The following EDIL3 variants were observed in gnomAD, a reference collection of about 807,000 sequenced individuals.
EDIL3 encodes the protein EGF-like repeat and discoidin I-like domain-containing protein 3.
Under a neutral mutation model 67.4 loss-of-function variants are expected in EDIL3, and 37 were observed. The observed-to-expected ratio is 0.55, with a 90% CI of 0.42 to 0.72. EDIL3 has a LOEUF of 0.72. Among genes scored for constraint, EDIL3 ranks in the 30% least tolerant of loss-of-function variants. EDIL3 has a pLI of 0.00. For synonymous variants in EDIL3, 195 were observed against 196.3 expected (o/e 0.99, Z 0.05); for missense variants, 527 against 586.3 (o/e 0.90, Z 1.04).
At chr5:84,248,535 G>T (rs1357192727) in intron 2 of EDIL3, among the ~76,000 whole-genome samples, 2 of 152,120 alleles carry the variant, frequency 1.3e-5, no homozygotes, top group Non-Finnish European at 2.9e-5. Flanking sequence ...TTTCTAGACA[G>T]ACTCATCCAT....
intron 1 of EDIL3, among the ~76,000 whole-genome samples, chr5:84,294,777 C>T (rs143247284): frequency 2.0e-5 from 3 of 152,266 alleles, no homozygotes; most frequent in African/African-American, 7.2e-5. Context: ...TGTGGTAACA[C>T]ATTATGTGCA....
chr5:84,299,101 T>C (rs960402279), intron 1 of EDIL3, among the ~76,000 whole-genome samples: 12 of 152,180 alleles, frequency 7.9e-5, no homozygotes, highest in Admixed American at 5.2e-4. Flanking sequence ...GAATATTCTG[T>C]AAGTAGGTTG....
At chr5:84,168,773 G>T (rs1289195867) in intron 4 of EDIL3, among the ~76,000 whole-genome samples, 4 of 152,232 alleles carry the variant, frequency 2.6e-5, no homozygotes, top group African/African-American at 7.2e-5. Context: ...TGGTTGCAAG[G>T]TTCCACGCTT....
chr5:83,957,455 C>T (rs1324197063), intron 10 of EDIL3, among the ~76,000 whole-genome samples: 2 of 151,682 alleles, frequency 1.3e-5, no homozygotes, highest in Non-Finnish European at 3.0e-5. Flanking sequence ...AGGTATTAAA[C>T]ATTCAAATTT....
At chr5:83,984,970 CA>C (rs1304597806) in intron 9 of EDIL3, among the ~76,000 whole-genome samples, 30 of 151,612 alleles carry the variant, frequency 2.0e-4, no homozygotes, top group East Asian at 1.6e-3. Flanking sequence ...CACACACACA[CA>C]CACACACCCC....
intron 1 of EDIL3, among the ~76,000 whole-genome samples, chr5:84,319,005 C>G (rs189155356): frequency 1.2e-3 from 185 of 152,226 alleles, no homozygotes; most frequent in Non-Finnish European, 2.4e-3. Flanking sequence ...TATGAACAGA[C>G]ACTACTCAAA....
At chr5:84,132,493 ATATATTT>A (rs1748003144) in intron 5 of EDIL3, among the ~76,000 whole-genome samples, 1 of 111,684 alleles carries the variant, frequency 9.0e-6, no homozygotes, top group African/African-American at 3.7e-5. Context: ...AATATATATT[ATATATTT>A]TATATATAAT....
intron 5 of EDIL3, among the ~76,000 whole-genome samples, chr5:84,113,589 T>C (rs1198744051): frequency 6.6e-6 from 1 of 152,200 alleles, no homozygotes; most frequent in Non-Finnish European, 1.5e-5. Flanking sequence ...TGCAAATTCA[T>C]TCTCTGGAGT....
At chr5:84,175,972 G>T (rs1490844049) in intron 4 of EDIL3, among the ~76,000 whole-genome samples, 1 of 151,776 alleles carries the variant, frequency 6.6e-6, no homozygotes, top group Non-Finnish European at 1.5e-5. Flanking sequence ...GAATGATCAT[G>T]AAAACAGCAA....
At chr5:84,320,418 G>A (rs1746611961) in intron 1 of EDIL3, among the ~76,000 whole-genome samples, 1 of 151,894 alleles carries the variant, frequency 6.6e-6, no homozygotes, top group African/African-American at 2.4e-5. Flanking sequence ...CATTTTAACG[G>A]CTTCCCAGGA....
At chr5:84,274,804 C>CAT (rs1745542560) in intron 1 of EDIL3, among the ~76,000 whole-genome samples, 1 of 151,520 alleles carries the variant, frequency 6.6e-6, no homozygotes, top group Non-Finnish European at 1.5e-5. Flanking sequence ...GACACACACA[C>CAT]ACACAAAGAG....
rs1460831488 is a variant in EDIL3 at position 83,955,794 on chromosome 5, CTT to C, written c.1293+7409_1293+7410del. Among the ~76,000 whole-genome samples the C allele has an allele frequency of 2.6e-5, 4 of 151,738 alleles. No individual in the cohort carries two copies. The East Asian group carries it at 7.8e-4, about 30-fold the overall frequency. ...TGTTAGACAGCTTTCTGCTTTTGCT[CTT>C]TTGTCTTTTAACGATGAAGGTTAAA... On this transcript the variant is annotated intron_variant, in intron 10 of 10. Transcript: ENST00000296591.
At chr5:84,270,093 T>C (rs1745432103) in intron 1 of EDIL3, among the ~76,000 whole-genome samples, 1 of 152,192 alleles carries the variant, frequency 6.6e-6, no homozygotes, top group East Asian at 1.9e-4. Flanking sequence ...ATCACAAGGG[T>C]ATTTAAATAT....
In EDIL3 at chr5:84,060,634, C is replaced by T. The variant is rs948405605; in HGVS notation, c.953-150G>A. 6.6e-5 allele frequency: 58 copies of T among 872,466 alleles called. No individual in the cohort carries two copies. The East Asian group carries it at 1.6e-3, about 25-fold the overall frequency. 54.0% of individuals were successfully genotyped at this position (872,466 alleles called of 1,614,324 possible). A position where few individuals can be genotyped will look rare whatever the true frequency, so the allele number is the denominator to read the frequency against. ...TCTAAATCCAAAAAAAAGCTATAAT[C>T]AGAAATAAATCTGAAACAAAATCGA... is the stretch of plus-strand genomic sequence containing the variant. On this transcript the variant is annotated intron_variant, in intron 8 of 10. Coordinates refer to ENST00000296591, the MANE Select transcript of EDIL3 (RefSeq NM_005711.5).
Position 83,941,241 on chromosome 5 carries a change from T to C in EDIL3, c.*2178A>G, listed in dbSNP as rs1744218241. The stretch of plus-strand genomic sequence containing the variant: ...TAGGTATCCCGTTGGACATGATGTA[T>C]TGCGAAGAGCATATAAAGCAGAGGG... On this transcript the variant is annotated 3_prime_UTR_variant, in exon 11 of 11. Transcript: ENST00000296591. 1 of 152,030 alleles carries C rather than the reference T, an allele frequency of 6.6e-6. No homozygotes were observed. Among genetic ancestry groups the C allele is most frequent in the Admixed American group, 6.6e-5 (1 of 15,242 alleles). 9.4% of individuals were successfully genotyped at this position (152,030 alleles called of 1,614,324 possible).
At chr5:84,006,796 A>G (rs1041846908) in intron 9 of EDIL3, among the ~76,000 whole-genome samples, 1 of 152,128 alleles carries the variant, frequency 6.6e-6, no homozygotes, top group Non-Finnish European at 1.5e-5. Context: ...GGGAAATAAA[A>G]CGTTTAACAT....
At chr5:84,150,006 A>C (rs912609442) in intron 4 of EDIL3, among the ~76,000 whole-genome samples, 2 of 152,084 alleles carry the variant, frequency 1.3e-5, no homozygotes, top group African/African-American at 4.8e-5. Context: ...TGAAAATGGA[A>C]AGTATAAAAT....
rs147282149 is a variant in EDIL3 at position 84,376,587 on chromosome 5, A to G, written c.67+7721T>C. 9.1e-4 allele frequency among the ~76,000 whole-genome samples: 138 copies of G among 152,340 alleles called. 1 individual carries two copies. Among genetic ancestry groups the G allele is most frequent in the African/African-American group, 3.2e-3 (133 of 41,578 alleles). ...AATATTTTCAAAGTAGGCTCATTCT[A>G]CAACACACATTATAAGGAATAGTTA... On this transcript the variant is annotated intron_variant, in intron 1 of 10. Coordinates refer to ENST00000296591, the MANE Select transcript of EDIL3 (RefSeq NM_005711.5).
At chr5:84,038,024 C>G (rs1307244513) in intron 9 of EDIL3, among the ~76,000 whole-genome samples, 1 of 120,414 alleles carries the variant, frequency 8.3e-6, no homozygotes, top group Non-Finnish European at 1.6e-5. Flanking sequence ...GACAGGGTCT[C>G]ACTCTGTCAC....
Sources: gnomAD v4.1 joint callset for allele counts (sites outside exome capture counted in the v4.1 genomes callset) on GRCh38, gnomAD v4.1.1 for gene constraint, MANE v1.5 for transcripts, NCBI Gene and HGNC (gene_info 2026-07-23, HGNC 2026-07-21) for gene names.